Variants in CFAP20DC observed in about 807,000 individuals in gnomAD.
CFAP20DC encodes protein CFAP20DC.
Under a neutral mutation model 101.7 loss-of-function variants are expected in CFAP20DC, and 84 were observed. The ratio of observed to expected loss-of-function variants is 0.83; its 90% CI spans 0.69 to 0.99. CFAP20DC has a LOEUF of 0.99. CFAP20DC is among the 50% of genes least tolerant of loss of function. CFAP20DC has a pLI of 0.00. For synonymous variants in CFAP20DC, 359 were observed against 351.2 expected (o/e 1.02, Z -0.25); for missense variants, 1,007 against 970.3 (o/e 1.04, Z -0.50).
rs1431266387 is a variant in CFAP20DC, at chr3:58,868,872, C to A, written c.1015+456G>T. Among the ~76,000 whole-genome samples the A allele has an allele frequency of 6.6e-6, 1 of 152,164 alleles. No individual in the cohort carries two copies. The highest frequency in any genetic ancestry group is 1.9e-4 in the East Asian group (1 of 5,198). On this transcript the variant is annotated intron_variant, in intron 9 of 16. Coordinates refer to ENST00000482387, the MANE Select transcript of CFAP20DC (RefSeq NM_001394063.1). This position sits in a 1 kb window ranked among gnomAD's most constrained non-coding sequence, Gnocchi z 4.6. The stretch of plus-strand genomic sequence containing the variant: ...CAAATCACTTTACCTCTTTGCTTGA[C>A]TTTAAATCTCTATCTGTAAAATGGA...
At chr3:58,965,424 A>G (rs1433429674) in intron 4 of CFAP20DC, among the ~76,000 whole-genome samples, 1 of 152,212 alleles carries the variant, frequency 6.6e-6, no homozygotes, top group African/African-American at 2.4e-5. Context: ...TATGGCATTT[A>G]AACAGTATTA....
intron 4 of CFAP20DC, among the ~76,000 whole-genome samples, chr3:58,990,087 AAGGAATGCATTTTGT>A (rs2092889384): frequency 6.6e-6 from 1 of 152,212 alleles, no homozygotes; most frequent in African/African-American, 2.4e-5. Flanking sequence ...ACAGGAGCAC[AAGGAATGCATTTTGT>A]GTTCTCACAA....
rs959843669 is a variant in CFAP20DC at position 58,795,375 on chromosome 3, C to T, written c.2237+11020G>A. Among the ~76,000 whole-genome samples, 5 of 152,170 alleles carry T rather than the reference C, an allele frequency of 3.3e-5. No individual in the cohort carries two copies. Among genetic ancestry groups the T allele is most frequent in the African/African-American group, 9.6e-5 (4 of 41,454 alleles). On this transcript the variant is annotated intron_variant, in intron 15 of 16. Transcript: ENST00000482387. The surrounding 1 kb of genome is among the most constrained non-coding windows in gnomAD (Gnocchi z 4.2). ...AGATTCTGCCAGGTGCCGTGGCTCA[C>T]GCCTGTAACCCAGCCCTTTGGGAGG...
chr3:58,979,874 T>C (rs937596790), intron 4 of CFAP20DC, among the ~76,000 whole-genome samples: 10 of 152,072 alleles, frequency 6.6e-5, no homozygotes, highest in African/African-American at 2.2e-4. Flanking sequence ...GGAAACTTTA[T>C]GTCTTTTGTA....
At chr3:58,726,918 G>A (rs139816157) in intron 3 of CFAP20DC, 3 of 223,952 alleles carry the variant, frequency 1.3e-5, no homozygotes, top group South Asian at 1.2e-4. Context: ...GAAGAGATGA[G>A]AGCGACCCAT....
rs1208930651 is a variant in CFAP20DC at position 59,001,111 on chromosome 3, A to G, written c.278+38446T>C. ...CAGTAAGAGTTAGTAAAGAGAGCAA[A>G]TTCAAAGAGCTGAAGCCTGCCAAAG... is the stretch of plus-strand genomic sequence containing the variant. On this transcript the variant is annotated intron_variant, in intron 4 of 16. Transcript: ENST00000482387. This position sits in a 1 kb window ranked among gnomAD's most constrained non-coding sequence, Gnocchi z 4.5. Among the ~76,000 whole-genome samples the G allele has an allele frequency of 6.6e-6, 1 of 152,184 alleles. No individual in the cohort carries two copies. Among genetic ancestry groups the G allele is most frequent in the African/African-American group, 2.4e-5 (1 of 41,446 alleles).
intron 15 of CFAP20DC, among the ~76,000 whole-genome samples, chr3:58,797,909 T>C (rs2073376272): frequency 6.6e-6 from 1 of 152,168 alleles, no homozygotes; most frequent in African/African-American, 2.4e-5. Context: ...TGAAGGCACA[T>C]CTGCTTATAG....
chr3:59,010,500 G>A (rs949118283), intron 4 of CFAP20DC, among the ~76,000 whole-genome samples: 1 of 152,120 alleles, frequency 6.6e-6, no homozygotes, highest in Non-Finnish European at 1.5e-5. Context: ...TAGTCCAACA[G>A]GAAAATATCA....
At chr3:58,961,687 C>T (rs1453630327) in intron 4 of CFAP20DC, among the ~76,000 whole-genome samples, 1 of 151,874 alleles carries the variant, frequency 6.6e-6, no homozygotes, top group Non-Finnish European at 1.5e-5. Context: ...AAATTATTAA[C>T]TCAATTTCTT....
intron 4 of CFAP20DC, chr3:59,017,246 A>T (rs2093707330): frequency 6.6e-6 from 1 of 152,138 alleles, no homozygotes; most frequent in Non-Finnish European, 1.5e-5. Context: ...ATGAAGCAAA[A>T]CACAGAAAAA....
intron 4 of CFAP20DC, among the ~76,000 whole-genome samples, chr3:58,977,723 C>T (rs1345497177): frequency 1.5e-5 from 2 of 134,564 alleles, no homozygotes; most frequent in Non-Finnish European, 3.2e-5. Context: ...TTTAGAGTGG[C>T]GAAGTAAAAA....
Position 58,870,192 on chromosome 3 carries a change from T to C in CFAP20DC, c.833A>G (p.Asn278Ser). 6.2e-7 allele frequency: 1 copy of C among 1,614,120 alleles called. No homozygotes were observed. The highest frequency in any genetic ancestry group is 8.5e-7 in the Non-Finnish European group (1 of 1,180,010). The part of the protein sequence containing the change: ...GPPPLSGRRN[N>S]MKISSETVRS... ...TCCTACCTCGCTGGATATCTTCATG[T>C]TATTCCTTCTGCCAGAGAGTGGAGG... The change falls in exon 8 of 17, where the codon AAC becomes AGC. Residue 278 changes from asparagine to serine, a missense_variant. Asn to Ser is a conservative substitution (Grantham distance 46). Coordinates refer to ENST00000482387, the MANE Select transcript of CFAP20DC (RefSeq NM_001394063.1).
At chr3:58,807,139 G>T (rs1045708384) in intron 14 of CFAP20DC, among the ~76,000 whole-genome samples, 1 of 152,178 alleles carries the variant, frequency 6.6e-6, no homozygotes, top group Non-Finnish European at 1.5e-5. Context: ...CTCTGGGGGC[G>T]GGGCACAGAC....
chr3:59,012,786 G>A (rs1173534664), intron 4 of CFAP20DC, among the ~76,000 whole-genome samples: 1 of 152,078 alleles, frequency 6.6e-6, no homozygotes, highest in Non-Finnish European at 1.5e-5. Context: ...AGAGAAATAA[G>A]ACTTGAGAGA....
At chr3:58,793,892 T>C (rs187779661) in intron 15 of CFAP20DC, among the ~76,000 whole-genome samples, 20 of 152,318 alleles carry the variant, frequency 1.3e-4, no homozygotes, top group East Asian at 3.9e-4. Context: ...TGCTTTAAAA[T>C]TGTTCACTAC....
In CFAP20DC at chr3:58,971,393, T is replaced by A. The variant is rs368530848; in HGVS notation, c.279-33631A>T. ...GACAGTATCCAACAAGAGGAAAATC[T>A]GTCAAATGTTTTAAAATATCTCCGA... On this transcript the variant is annotated intron_variant, in intron 4 of 16. Coordinates refer to ENST00000482387, the MANE Select transcript of CFAP20DC (RefSeq NM_001394063.1). This position sits in a 1 kb window ranked among gnomAD's most constrained non-coding sequence, Gnocchi z 4.1. 1.1e-4 allele frequency among the ~76,000 whole-genome samples: 16 copies of A among 152,282 alleles called. No homozygotes were observed. The highest frequency in any genetic ancestry group is 3.1e-4 in the African/African-American group (13 of 41,574).
At chr3:58,854,919 G>C (rs2078625232) in intron 12 of CFAP20DC, among the ~76,000 whole-genome samples, 1 of 144,856 alleles carries the variant, frequency 6.9e-6, no homozygotes, top group Non-Finnish European at 1.5e-5. Flanking sequence ...TCAGGACATA[G>C]GCATGGGCAA....
At chr3:59,038,521 G>A (rs992191155) in intron 4 of CFAP20DC, among the ~76,000 whole-genome samples, 3 of 152,120 alleles carry the variant, frequency 2.0e-5, no homozygotes, top group Admixed American at 2.0e-4. Context: ...ACAAATTGAA[G>A]GTTTGTAGCA....
Position 58,926,958 on chromosome 3 carries a change from C to T in CFAP20DC, c.393+10690G>A, listed in dbSNP as rs115389914. 2.7e-3 allele frequency among the ~76,000 whole-genome samples: 415 copies of T among 152,192 alleles called. 1 individual carries two copies. The highest frequency in any genetic ancestry group is 9.3e-3 in the African/African-American group (387 of 41,540). The stretch of plus-strand genomic sequence containing the variant: ...TGTACATTAATACATACTTTGGTAA[C>T]GAGACATTGATGTTCATCTGACACC... On this transcript the variant is annotated intron_variant, in intron 5 of 16. Coordinates refer to ENST00000482387, the MANE Select transcript of CFAP20DC (RefSeq NM_001394063.1).
Sources: allele counts gnomAD v4.1 joint callset (sites outside exome capture counted in the v4.1 genomes callset), GRCh38; gene constraint gnomAD v4.1.1; non-coding constraint Gnocchi (gnomAD v3.1); transcripts MANE v1.5; gene names NCBI Gene and HGNC (gene_info 2026-07-23, HGNC 2026-07-21).